The following TTC3 variants were observed in gnomAD, a reference collection of about 807,000 sequenced individuals.
The protein encoded by TTC3 is tetratricopeptide repeat domain 3.
TTC3 carries 180 observed loss-of-function variants against 249.6 expected under a neutral mutation model. The ratio of observed to expected loss-of-function variants is 0.72; its 90% CI spans 0.64 to 0.82. The LOEUF is 0.82. Among genes scored for constraint, TTC3 ranks in the 40% least tolerant of loss-of-function variants. The pLI, the probability that TTC3 is intolerant of heterozygous loss-of-function variation, is 0.00. For missense variants in TTC3, 2,061 were observed against 2,398.4 expected (o/e 0.86, Z 2.94); for synonymous variants, 717 against 805.0 (o/e 0.89, Z 1.85).
intron 35 of TTC3, among the ~76,000 whole-genome samples, chr21:37,175,905 G>A (rs2082239325): frequency 0.033 from 1 of 30 alleles, no homozygotes. Context: ...GGGTAGCTGG[G>A]ATTACAGGCT....
chr21:37,182,615 G>T (rs1235313269), intron 35 of TTC3, among the ~76,000 whole-genome samples, 159 bp from the exon 36 acceptor site: 1 of 152,164 alleles, frequency 6.6e-6, no homozygotes, highest in African/African-American at 2.4e-5. Context: ...AGGCTTGGCT[G>T]GGGGGCATAG....
rs367648731 is a variant in TTC3 at position 37,196,543 on chromosome 21, A to G, written c.5579+507A>G. Among the ~76,000 whole-genome samples, 57 of 152,260 alleles carry G rather than the reference A, an allele frequency of 3.7e-4. No homozygotes were observed. The East Asian group carries it at 0.011, about 29-fold the overall frequency. On this transcript the variant is annotated intron_variant, in intron 42 of 45. Coordinates refer to ENST00000355666, the Ensembl canonical transcript of TTC3. ...TGAGACGCCACACCCAGCCTCAAAT[A>G]AATTTTTTAATGTGCATATGTAAAT...
chr21:37,103,135 G>C (rs2074682114), intron 10 of TTC3, among the ~76,000 whole-genome samples: 1 of 152,152 alleles, frequency 6.6e-6, no homozygotes, highest in Non-Finnish European at 1.5e-5. Flanking sequence ...AAAGAGTTCA[G>C]GAATAATTAG....
intron 11 of TTC3, among the ~76,000 whole-genome samples, chr21:37,115,126 C>A (rs1006248618): frequency 2.6e-5 from 4 of 151,134 alleles, no homozygotes; most frequent in Admixed American, 2.0e-4. Flanking sequence ...ACATGTATAC[C>A]TATGTAACAA....
intron 19 of TTC3, among the ~76,000 whole-genome samples, chr21:37,140,073 G>C (rs867002358): frequency 6.6e-6 from 1 of 152,128 alleles, no homozygotes; most frequent in Admixed American, 6.6e-5. Flanking sequence ...TGTACTCTAA[G>C]CTATGTTAAG....
intron 35 of TTC3, among the ~76,000 whole-genome samples, chr21:37,180,164 G>A (rs961256813): frequency 6.6e-6 from 1 of 152,040 alleles, no homozygotes; most frequent in African/African-American, 2.4e-5. Context: ...TGTGCAACTG[G>A]TTTGTTTTTA....
At chr21:37,150,128 T>G in exon 24 of TTC3, 1 of 1,613,466 alleles carries the variant, frequency 6.2e-7, no homozygotes. Context: ...GTGTCATTTC[T>G]AAGATTATCA....
chr21:37,112,617 G>A (rs921719440), intron 11 of TTC3, among the ~76,000 whole-genome samples: 2 of 152,176 alleles, frequency 1.3e-5, no homozygotes, highest in African/African-American at 4.8e-5. Context: ...TAGGTACTAG[G>A]AGGAGCTGGT....
chr21:37,124,847 C>T, intron 14 of TTC3, 105 bp downstream of exon 14: 2 of 1,098,446 alleles, frequency 1.8e-6, no homozygotes, highest in South Asian at 1.6e-5. Context: ...CGATTTGAAC[C>T]CTTTTTGCCT....
chr21:37,175,498 G>A (rs1173234605), intron 35 of TTC3, among the ~76,000 whole-genome samples: 1 of 149,994 alleles, frequency 6.7e-6, no homozygotes. Flanking sequence ...TCGGGAGGCT[G>A]AGGTGGGAGA....
exon 38 of TTC3, chr21:37,187,068 A>C (rs373219667): frequency 6.5e-7 from 1 of 1,549,616 alleles, no homozygotes; most frequent in Non-Finnish European, 8.6e-7. Flanking sequence ...TACAAATGAG[A>C]AAATGAAAAT....
rs754290725 is a variant in TTC3, at chr21:37,159,696, C to T, written c.2993-3C>T. The T allele has an allele frequency of 1.1e-5, 17 of 1,613,258 alleles. No individual in the cohort carries two copies. In the Admixed American group the frequency reaches 1.3e-4, roughly 13 times the overall value. On this transcript the variant is annotated splice_polypyrimidine_tract_variant and splice_region_variant and intron_variant, in intron 28 of 45. Coordinates refer to ENST00000355666, the Ensembl canonical transcript of TTC3. ...TCACAAAACCATCTGTATATTCCTACAGACAGCCGCTGTACTGTGTTAAGG... is the reference window on the plus strand; with the variant it reads ...TCACAAAACCATCTGTATATTCCTATAGACAGCCGCTGTACTGTGTTAAGG...
At position 37,106,243 on chromosome 21, in the gene TTC3, A is replaced by AT. The variant is rs576011463; in HGVS notation, c.846-2142dup. On this transcript the variant is annotated intron_variant, in intron 10 of 45. Coordinates refer to ENST00000355666, the Ensembl canonical transcript of TTC3. ...GAAGTGCCTGTTGAAGTCTTTTGCT[A>AT]TTTTTTTCTCTTGAGTAGAATGCCC... Among the ~76,000 whole-genome samples, 224 of 151,840 alleles carry AT rather than the reference A, an allele frequency of 1.5e-3. 2 individuals carry two copies. Among genetic ancestry groups the AT allele is most frequent in the African/African-American group, 4.9e-3 (205 of 41,432 alleles).
intron 34 of TTC3, among the ~76,000 whole-genome samples, chr21:37,169,270 A>C (rs1328024478): frequency 6.6e-6 from 1 of 152,188 alleles, no homozygotes; most frequent in Non-Finnish European, 1.5e-5. Flanking sequence ...GAAACTAAGA[A>C]AAGGAGTTGT....
rs528360466 is a variant in TTC3, at chr21:37,177,876, G to GT, written c.4618-4894dup. Among the ~76,000 whole-genome samples, 5 of 152,172 alleles carry GT rather than the reference G, an allele frequency of 3.3e-5. No homozygotes were observed. The South Asian group carries it at 8.3e-4, about 25-fold the overall frequency. ...CCTATTAAAAATAGACAACTTAATG[G>GT]TTTTGATATATGCCCAGGTCTGTGT... On this transcript the variant is annotated intron_variant, in intron 35 of 45. Transcript: ENST00000355666.
intron 10 of TTC3, chr21:37,107,844 G>C (rs1159336791): frequency 2.0e-5 from 3 of 152,556 alleles, no homozygotes. Context: ...CCAGCACTTT[G>C]GGAGGCCAAG....
chr21:37,185,764 C>T lies in TTC3; in HGVS notation c.4816C>T (p.Leu1606Phe), dbSNP rs753571257. 6 of 1,539,564 alleles carry T rather than the reference C, an allele frequency of 3.9e-6. No homozygotes were observed. The South Asian group carries it at 7.9e-5, about 20-fold the overall frequency. ...ACATGAATTACATCTGGATCAGTCC[C>T]TTGAAATCAGGCAAATTAAGCTTAA... The change falls in exon 37 of 46, where the codon CTT becomes TTT. Residue 1606 changes from leucine (L) to phenylalanine (F), a missense_variant. Around this residue, in one of 3 missense-constraint regions of TTC3, gnomAD observed 1,040 missense variants for 1,186.1 expected, o/e 0.88. Transcript: ENST00000355666.
At chr21:37,112,865 T>C (rs545573522) in intron 11 of TTC3, among the ~76,000 whole-genome samples, 1 of 152,318 alleles carries the variant, frequency 6.6e-6, no homozygotes, top group East Asian at 1.9e-4. Flanking sequence ...GCTTCATCCC[T>C]GGGATGCAAG....
intron 35 of TTC3, among the ~76,000 whole-genome samples, chr21:37,174,382 A>G (rs1011699167): frequency 6.6e-6 from 1 of 152,236 alleles, no homozygotes; most frequent in African/African-American, 2.4e-5. Flanking sequence ...CCCTACCAGG[A>G]TAAGTCGCTA....
Sources: gnomAD v4.1 joint callset for allele counts (sites outside exome capture counted in the v4.1 genomes callset) on GRCh38, gnomAD v4.1.1 for gene constraint, gnomAD v4.1.1 regional missense constraint, MANE v1.5 for transcripts, NCBI Gene and HGNC (gene_info 2026-07-23, HGNC 2026-07-21) for gene names.